The following MGAT5 variants were observed in gnomAD, a reference collection of about 807,000 sequenced individuals.
MGAT5 encodes alpha-1,6-mannosylglycoprotein 6-beta-N-acetylglucosaminyltransferase A.
MGAT5 carries 30 observed loss-of-function variants against 94.3 expected under a neutral mutation model. The ratio of observed to expected loss-of-function variants is 0.32; its 90% CI spans 0.24 to 0.43. The LOEUF is 0.43. MGAT5 is among the 20% of genes least tolerant of loss of function. The pLI, the probability that MGAT5 is intolerant of heterozygous loss-of-function variation, is 1.00. For synonymous variants in MGAT5, 310 were observed against 322.9 expected (o/e 0.96, Z 0.43); for missense variants, 691 against 905.5 (o/e 0.76, Z 3.04).
At chr2:134,122,873 G>A (rs2321729) in intron 1 of MGAT5, among the ~76,000 whole-genome samples, 4,913 of 152,320 alleles carry the variant, frequency 0.032, 553 homozygotes, top group East Asian at 0.29. Context: ...CAGATCTGCC[G>A]GTGGCAACCG....
chr2:134,422,967 A>G lies in MGAT5; in HGVS notation c.1794+48A>G, dbSNP rs774493859. ...TCCCTCCTTTCTAATGTGACCTGAA[A>G]TGTGTATAAAACACATCATAGGTCC... On this transcript the variant is annotated intron_variant, in intron 13 of 15. Transcript: ENST00000281923. The G allele has an allele frequency of 2.1e-6, 3 of 1,396,274 alleles. No individual in the cohort carries two copies. The Admixed American group carries it at 5.0e-5, about 23-fold the overall frequency. The allele number at this position is 1,396,274 out of a possible 1,614,324, so 86.5% of individuals were successfully genotyped here. A position where few individuals can be genotyped will look rare whatever the true frequency, so the allele number is the denominator to read the frequency against.
intron 12 of MGAT5, among the ~76,000 whole-genome samples, chr2:134,416,491 C>A (rs1207032164): frequency 3.5e-5 from 4 of 115,878 alleles, no homozygotes; most frequent in Non-Finnish European, 6.8e-5. Flanking sequence ...TTTTTGGAGA[C>A]CGGGTCTTGC....
intron 1 of MGAT5, among the ~76,000 whole-genome samples, chr2:134,196,093 G>A (rs1021052400): frequency 6.6e-6 from 1 of 152,104 alleles, no homozygotes; most frequent in Non-Finnish European, 1.5e-5. Flanking sequence ...CTCCTCTGTA[G>A]CACTCTGGAC....
At chr2:134,387,332 ATTT>A (rs35936767) in intron 10 of MGAT5, among the ~76,000 whole-genome samples, 2 of 24,274 alleles carry the variant, frequency 8.2e-5, no homozygotes, top group Non-Finnish European at 1.3e-4. Flanking sequence ...ATATATATAT[ATTT>A]TTTTTTTTTT....
At chr2:134,130,394 AGGCGCGG>A (rs1374382078) in intron 1 of MGAT5, among the ~76,000 whole-genome samples, 1 of 152,210 alleles carries the variant, frequency 6.6e-6, no homozygotes, top group Non-Finnish European at 1.5e-5. Context: ...TGAGGAATGC[AGGCGCGG>A]GGCGTGGGAT....
intron 4 of MGAT5, among the ~76,000 whole-genome samples, chr2:134,322,115 G>A (rs1474870441): frequency 6.6e-6 from 1 of 152,120 alleles, no homozygotes; most frequent in Non-Finnish European, 1.5e-5. Context: ...TGAAATAATA[G>A]GAATGTACTT....
At chr2:134,380,422 T>G (rs564636395) in intron 10 of MGAT5, among the ~76,000 whole-genome samples, 2 of 152,344 alleles carry the variant, frequency 1.3e-5, no homozygotes, top group Non-Finnish European at 2.9e-5. Flanking sequence ...GTTGTTAGAA[T>G]GCAAGTGCAC....
intron 1 of MGAT5, among the ~76,000 whole-genome samples, chr2:134,269,339 A>T (rs1683890683): frequency 6.6e-6 from 1 of 152,104 alleles, no homozygotes; most frequent in Non-Finnish European, 1.5e-5. Context: ...GCTCAGGGAC[A>T]AGTTTGCTCT....
chr2:134,131,545 C>T (rs982085400), intron 1 of MGAT5, among the ~76,000 whole-genome samples: 1 of 147,680 alleles, frequency 6.8e-6, no homozygotes, highest in Admixed American at 6.8e-5. Flanking sequence ...TGATGATACA[C>T]GATAAATATT....
rs904364085 is a variant in MGAT5 at position 134,166,613 on chromosome 2, A to G, written c.-143+46322A>G. Among the ~76,000 whole-genome samples the G allele has an allele frequency of 3.9e-5, 6 of 152,372 alleles. No individual in the cohort carries two copies. The East Asian group carries it at 1.2e-3, about 29-fold the overall frequency. Reference sequence around the variant, plus strand: ...GATTAATCAAAAACAAGGGAAATTAATAACATGTTGGTATTCACAATTCAT... The same window carrying G: ...GATTAATCAAAAACAAGGGAAATTAGTAACATGTTGGTATTCACAATTCAT... On this transcript the variant is annotated intron_variant, in intron 1 of 16. Transcript: ENST00000409645.
intron 1 of MGAT5, among the ~76,000 whole-genome samples, chr2:134,247,568 G>A (rs1031777553): frequency 6.6e-6 from 1 of 152,052 alleles, no homozygotes; most frequent in Non-Finnish European, 1.5e-5. Context: ...TTTGAAAAAT[G>A]TTTAAAAACA....
At chr2:134,263,259 C>G (rs1368688730) in intron 1 of MGAT5, among the ~76,000 whole-genome samples, 1 of 152,164 alleles carries the variant, frequency 6.6e-6, no homozygotes, top group Non-Finnish European at 1.5e-5. Flanking sequence ...TAGGAAAATT[C>G]AAAGAATAGC....
intron 1 of MGAT5, among the ~76,000 whole-genome samples, chr2:134,158,556 G>A (rs1046736373): frequency 3.3e-5 from 5 of 152,206 alleles, no homozygotes; most frequent in Admixed American, 6.5e-5. Flanking sequence ...GGGGCTGGGG[G>A]TGCTAACTGG....
intron 12 of MGAT5, among the ~76,000 whole-genome samples, chr2:134,422,275 C>G (rs1248449397): frequency 6.6e-6 from 1 of 152,160 alleles, no homozygotes; most frequent in Non-Finnish European, 1.5e-5. Context: ...ACTGCCATTC[C>G]TTGTTTTTCT....
intron 1 of MGAT5, among the ~76,000 whole-genome samples, chr2:134,146,457 G>T (rs1336767678): frequency 6.6e-6 from 1 of 152,088 alleles, no homozygotes; most frequent in Non-Finnish European, 1.5e-5. Flanking sequence ...TTACTTGGGA[G>T]GCTGAGGTGG....
At chr2:134,227,775 A>G (rs1431863970) in intron 1 of MGAT5, among the ~76,000 whole-genome samples, 1 of 152,134 alleles carries the variant, frequency 6.6e-6, no homozygotes, top group Non-Finnish European at 1.5e-5. Flanking sequence ...CGTGGCAGGT[A>G]GGGACCATTG....
intron 13 of MGAT5, among the ~76,000 whole-genome samples, chr2:134,425,023 T>C (rs1684501321): frequency 1.3e-5 from 2 of 152,174 alleles, no homozygotes; most frequent in South Asian, 4.1e-4. Flanking sequence ...GCATATCTTG[T>C]AAAGGGGTAC....
At chr2:134,376,641 G>T (rs554714919) in intron 10 of MGAT5, among the ~76,000 whole-genome samples, 41 of 152,200 alleles carry the variant, frequency 2.7e-4, no homozygotes, top group Non-Finnish European at 5.1e-4. Flanking sequence ...CTTCCTTGCT[G>T]TTGGACCTAG....
chr2:134,275,733 G>A (rs1344048604), intron 2 of MGAT5, among the ~76,000 whole-genome samples: 2 of 151,810 alleles, frequency 1.3e-5, no homozygotes, highest in South Asian at 2.1e-4. Context: ...CAGGCAATGT[G>A]CCATCATGCC....
Sources: allele counts gnomAD v4.1 joint callset (sites outside exome capture counted in the v4.1 genomes callset), GRCh38; gene constraint gnomAD v4.1.1; transcripts MANE v1.5; gene names NCBI Gene and HGNC (gene_info 2026-07-23, HGNC 2026-07-21).